EML4: variants seen among roughly 807,000 people sequenced by gnomAD.
EML4 encodes EMAP like 4.
Under a neutral mutation model 129.0 loss-of-function variants are expected in EML4, and 72 were observed. The observed-to-expected ratio is 0.56, with a 90% CI of 0.46 to 0.68. The LOEUF is 0.68. EML4 is among the 30% of genes least tolerant of loss of function. The pLI is 0.00. For synonymous variants in EML4, 532 were observed against 405.0 expected (o/e 1.31, Z -3.77); for missense variants, 1,363 against 1,190.6 (o/e 1.14, Z -2.13).
At chr2:42,263,476 C>G (rs1458299327) in intron 5 of EML4, among the ~76,000 whole-genome samples, 170 bp downstream of exon 5, 2 of 138,190 alleles carry the variant, frequency 1.4e-5, no homozygotes, top group Non-Finnish European at 3.0e-5. Flanking sequence ...ACCATCTTGG[C>G]TCACTGCAGC....
At chr2:42,238,221 A>C (rs1395586176) in intron 1 of EML4, among the ~76,000 whole-genome samples, 1 of 152,180 alleles carries the variant, frequency 6.6e-6, no homozygotes, top group Non-Finnish European at 1.5e-5. Flanking sequence ...GACCTGAAAC[A>C]CTTCTGGTAC....
At position 42,178,263 on chromosome 2, in the gene EML4, C is replaced by T. The variant is rs564802486; in HGVS notation, c.25+8627C>T. Among the ~76,000 whole-genome samples, 4 of 152,170 alleles carry T rather than the reference C, an allele frequency of 2.6e-5. No individual in the cohort carries two copies. In the South Asian group the frequency reaches 8.3e-4, roughly 32 times the overall value. ...TTTACTTTGAAAGAGAATTTTCAGG[C>T]CAGGTGGTATAGCTCACACCTATAA... is the stretch of plus-strand genomic sequence containing the variant. On this transcript the variant is annotated intron_variant, in intron 1 of 22. Transcript: ENST00000318522.
chr2:42,264,112 T>G lies in EML4; in HGVS notation c.642-594T>G, dbSNP rs1015028232. Among the ~76,000 whole-genome samples the G allele has an allele frequency of 3.0e-3, 420 of 141,544 alleles. 4 individuals carry two copies. The highest frequency in any genetic ancestry group is 0.01 in the African/African-American group (393 of 39,128). The allele number at this position is 141,544 out of a possible 152,430, so 92.9% of individuals were successfully genotyped here. A position where few individuals can be genotyped will look rare whatever the true frequency, so the allele number is the denominator to read the frequency against. On this transcript the variant is annotated intron_variant, in intron 5 of 22. Transcript: ENST00000318522. The stretch of plus-strand genomic sequence containing the variant: ...AACTCAAACAATACGTGTTTTTTTT[T>G]TTTTTTTTTTTTTTTTTGAGACAGT...
chr2:42,185,307 A>G (rs1264439234), intron 1 of EML4, among the ~76,000 whole-genome samples: 1 of 152,246 alleles, frequency 6.6e-6, no homozygotes, highest in Non-Finnish European at 1.5e-5. Flanking sequence ...AGATTTCAAT[A>G]TCCATAAATA....
At chr2:42,222,534 T>C (rs180805699) in intron 1 of EML4, among the ~76,000 whole-genome samples, 5 of 152,262 alleles carry the variant, frequency 3.3e-5, no homozygotes, top group Non-Finnish European at 5.9e-5. Context: ...AGTCCAGTAA[T>C]TGGGACAAAG....
intron 1 of EML4, among the ~76,000 whole-genome samples, chr2:42,192,781 C>A (rs1222624623): frequency 6.6e-6 from 1 of 152,174 alleles, no homozygotes; most frequent in Non-Finnish European, 1.5e-5. Flanking sequence ...GAAGCAGTTG[C>A]TCTTCTCTGA....
At chr2:42,253,693 T>A (rs1416368800) in intron 2 of EML4, among the ~76,000 whole-genome samples, 1 of 151,994 alleles carries the variant, frequency 6.6e-6, no homozygotes, top group African/African-American at 2.4e-5. Context: ...CAACCCTAAT[T>A]CGAGTTATTA....
At chr2:42,232,939 A>T (rs192528378) in intron 1 of EML4, among the ~76,000 whole-genome samples, 2 of 152,126 alleles carry the variant, frequency 1.3e-5, no homozygotes, top group Non-Finnish European at 2.9e-5. Flanking sequence ...GTTAGCCAGG[A>T]TGGTCTCCAT....
intron 1 of EML4, among the ~76,000 whole-genome samples, chr2:42,183,873 A>G (rs1671094687): frequency 6.6e-6 from 1 of 152,062 alleles, no homozygotes; most frequent in African/African-American, 2.4e-5. Context: ...AATTCTCAGG[A>G]TGCTGGGGAG....
chr2:42,320,976 A>C (rs540102141), intron 19 of EML4, among the ~76,000 whole-genome samples: 1 of 152,294 alleles, frequency 6.6e-6, no homozygotes, highest in African/African-American at 2.4e-5. Context: ...AGAGGGGGAA[A>C]AAAAGAGTAA....
chr2:42,176,360 G>A (rs190348854), intron 1 of EML4, among the ~76,000 whole-genome samples: 2 of 152,058 alleles, frequency 1.3e-5, no homozygotes, highest in African/African-American at 2.4e-5. Flanking sequence ...TTTGTACAGG[G>A]CCCTCAGATT....
intron 2 of EML4, among the ~76,000 whole-genome samples, chr2:42,254,187 G>T (rs1165623318): frequency 2.0e-5 from 3 of 152,138 alleles, no homozygotes; most frequent in Non-Finnish European, 4.4e-5. Flanking sequence ...GGGCACAGTG[G>T]CTCACGCTTA....
chr2:42,321,540 C>G (rs894265336), intron 19 of EML4, among the ~76,000 whole-genome samples: 5 of 151,952 alleles, frequency 3.3e-5, no homozygotes, highest in African/African-American at 1.2e-4. Context: ...GGAACTCCAG[C>G]CATCATCACC....
intron 1 of EML4, among the ~76,000 whole-genome samples, chr2:42,220,014 G>A (rs1673468897): frequency 1.3e-5 from 2 of 151,800 alleles, no homozygotes; most frequent in Non-Finnish European, 1.5e-5. Flanking sequence ...GTGGCAGTTT[G>A]GGTAGGGGAG....
At chr2:42,273,568 G>A (rs960872181) in intron 6 of EML4, among the ~76,000 whole-genome samples, 2 of 151,988 alleles carry the variant, frequency 1.3e-5, no homozygotes, top group African/African-American at 4.8e-5. Context: ...AAGAGGTTAG[G>A]TTCATATCTT....
chr2:42,175,866 C>T (rs1303577102), intron 1 of EML4, among the ~76,000 whole-genome samples: 1 of 152,144 alleles, frequency 6.6e-6, no homozygotes, highest in African/African-American at 2.4e-5. Context: ...ATCTTTAGCC[C>T]ATTTGTATGC....
intron 19 of EML4, 113 bp downstream of exon 19, chr2:42,317,637 C>G: frequency 1.5e-6 from 1 of 676,594 alleles, no homozygotes; most frequent in South Asian, 1.9e-5. Flanking sequence ...GCTTTAATCT[C>G]TGTCTTTGAA....
At chr2:42,240,986 A>G (rs1263261824) in intron 1 of EML4, among the ~76,000 whole-genome samples, 1 of 152,132 alleles carries the variant, frequency 6.6e-6, no homozygotes, top group African/African-American at 2.4e-5. Flanking sequence ...ATCTACAAAA[A>G]AATAAAAGTT....
intron 3 of EML4, among the ~76,000 whole-genome samples, chr2:42,259,941 A>G (rs1053508915): frequency 1.1e-4 from 17 of 151,866 alleles, no homozygotes; most frequent in African/African-American, 3.4e-4. Flanking sequence ...CATGTTAGGC[A>G]GGATGGTCTT....
Sources: gnomAD v4.1 joint callset for allele counts (sites outside exome capture counted in the v4.1 genomes callset) on GRCh38, gnomAD v4.1.1 for gene constraint, MANE v1.5 for transcripts, NCBI Gene and HGNC (gene_info 2026-07-23, HGNC 2026-07-21) for gene names.